AGBL4: variants seen among roughly 807,000 people sequenced by gnomAD.
The protein encoded by AGBL4 is AGBL carboxypeptidase 4.
A neutral mutation model predicts 66.4 loss-of-function variants in AGBL4; 58 were observed. The ratio of observed to expected loss-of-function variants is 0.87; its 90% CI spans 0.71 to 1.09. The LOEUF is 1.09. Ranked by LOEUF, AGBL4 falls within the 50% of genes least tolerant of loss-of-function variation. The pLI is 0.00. For synonymous variants in AGBL4, 234 were observed against 222.9 expected (o/e 1.05, Z -0.44); for missense variants, 579 against 631.0 (o/e 0.92, Z 0.88).
intron 1 of AGBL4, among the ~76,000 whole-genome samples, chr1:49,860,774 AAAAAAC>A (rs201374372): frequency 0.052 from 7,820 of 150,896 alleles, 217 homozygotes; most frequent in African/African-American, 0.068. Flanking sequence ...CCAGCAAAAA[AAAAAAC>A]AAAAAACAAA....
chr1:50,006,359 T>C (rs1383044376), intron 1 of AGBL4, among the ~76,000 whole-genome samples: 1 of 135,694 alleles, frequency 7.4e-6, no homozygotes, highest in African/African-American at 2.8e-5. Flanking sequence ...AAAAAGGAGG[T>C]AGAGAGAGAG....
chr1:48,972,443 T>G (rs923163318), intron 5 of AGBL4, among the ~76,000 whole-genome samples: 1 of 152,186 alleles, frequency 6.6e-6, no homozygotes, highest in Non-Finnish European at 1.5e-5. Context: ...ATTTTTTGTA[T>G]GCCTGCTCTA....
At chr1:49,505,050 A>G (rs1258364680) in intron 3 of AGBL4, among the ~76,000 whole-genome samples, 3 of 152,052 alleles carry the variant, frequency 2.0e-5, no homozygotes, top group Non-Finnish European at 4.4e-5. Context: ...TGAGGCTTAC[A>G]TAAAATGTTA....
intron 4 of AGBL4, among the ~76,000 whole-genome samples, chr1:49,231,279 AG>A (rs963836998): frequency 6.6e-6 from 1 of 152,196 alleles, no homozygotes; most frequent in African/African-American, 2.4e-5. Flanking sequence ...TTTCATAAAG[AG>A]GGATCAGGAA....
At chr1:49,876,777 T>C (rs12745229) in intron 1 of AGBL4, among the ~76,000 whole-genome samples, 71,554 of 119,672 alleles carry the variant, frequency 0.6, 22,083 homozygotes, top group Non-Finnish European at 0.66. Flanking sequence ...ATATTGATTC[T>C]TCCTACCCAT....
chr1:49,263,972 A>AT (rs1221649347), intron 3 of AGBL4, among the ~76,000 whole-genome samples: 2 of 152,190 alleles, frequency 1.3e-5, no homozygotes, highest in African/African-American at 4.8e-5. Flanking sequence ...TTAGAGTGAC[A>AT]TTTATCAACA....
At chr1:49,289,029 GAGAA>G (rs1484754024) in intron 3 of AGBL4, among the ~76,000 whole-genome samples, 1 of 151,896 alleles carries the variant, frequency 6.6e-6, no homozygotes, top group Non-Finnish European at 1.5e-5. Flanking sequence ...GAGAGAGAGA[GAGAA>G]AGAGAGAGAG....
chr1:48,771,398 C>T (rs954704088), intron 6 of AGBL4, among the ~76,000 whole-genome samples: 3 of 152,196 alleles, frequency 2.0e-5, no homozygotes, highest in Non-Finnish European at 4.4e-5. Flanking sequence ...TAAAAAGCAA[C>T]TTGCCTGGGA....
chr1:49,190,775 T>C (rs1443883833), intron 4 of AGBL4, among the ~76,000 whole-genome samples: 1 of 152,176 alleles, frequency 6.6e-6, no homozygotes, highest in African/African-American at 2.4e-5. Flanking sequence ...ACACATATTA[T>C]ATGTGCTAAC....
chr1:48,647,493 C>T (rs1014899799), intron 8 of AGBL4: 10 of 323,380 alleles, frequency 3.1e-5, no homozygotes, highest in Non-Finnish European at 6.3e-5. Context: ...GAGGCTGTAC[C>T]TGGTAATTAT....
chr1:49,260,438 A>G (rs1377434060), intron 3 of AGBL4, among the ~76,000 whole-genome samples: 3 of 152,060 alleles, frequency 2.0e-5, no homozygotes, highest in African/African-American at 7.2e-5. Context: ...AAAAGAGAGA[A>G]GAATCAAATA....
chr1:49,442,456 CTCCCTGTGAT>C (rs1444467548), intron 3 of AGBL4, among the ~76,000 whole-genome samples: 1 of 152,124 alleles, frequency 6.6e-6, no homozygotes, highest in Non-Finnish European at 1.5e-5. Flanking sequence ...TCCATTCTAT[CTCCCTGTGAT>C]CAATTTTCTT....
intron 3 of AGBL4, among the ~76,000 whole-genome samples, chr1:49,463,545 A>G (rs1009749294): frequency 1.3e-5 from 2 of 151,750 alleles, no homozygotes; most frequent in Admixed American, 6.6e-5. Flanking sequence ...CTTTTAAGAT[A>G]AAAAGGATGT....
chr1:49,399,222 C>T (rs776914598), intron 3 of AGBL4, among the ~76,000 whole-genome samples: 7 of 152,160 alleles, frequency 4.6e-5, no homozygotes, highest in Non-Finnish European at 7.4e-5. Context: ...ATATGTATCA[C>T]ATTTTCTTTA....
chr1:48,900,520 G>A (rs1651983350), intron 5 of AGBL4, among the ~76,000 whole-genome samples: 1 of 152,126 alleles, frequency 6.6e-6, no homozygotes, highest in Non-Finnish European at 1.5e-5. Flanking sequence ...AAGACAGTGT[G>A]GTTTGGTTTT....
rs1439184977 is a variant in AGBL4 at position 48,736,290 on chromosome 1, C to T, written c.635-73049G>A. The T allele has an allele frequency of 1.9e-6, 3 of 1,614,162 alleles. No individual in the cohort carries two copies. Among genetic ancestry groups the T allele is most frequent in the Non-Finnish European group, 2.5e-6 (3 of 1,180,016 alleles). On this transcript the variant is annotated intron_variant, in intron 6 of 13. Coordinates refer to ENST00000371839, the MANE Select transcript of AGBL4 (RefSeq NM_032785.4). This position sits in a 1 kb window ranked among gnomAD's most constrained non-coding sequence, Gnocchi z 4.0. ...GAGAGGGGTGGTTTAGGGACTGCAT[C>T]TTTCTTTTTTTTTGTGGCGACGCCT...
chr1:49,778,927 A>G (rs1412453256), intron 2 of AGBL4, among the ~76,000 whole-genome samples: 1 of 152,194 alleles, frequency 6.6e-6, no homozygotes, highest in East Asian at 1.9e-4. Context: ...CATGTAACAA[A>G]CATGCACATG....
intron 4 of AGBL4, among the ~76,000 whole-genome samples, chr1:49,058,142 C>T (rs536781444): frequency 5.3e-5 from 8 of 152,300 alleles, no homozygotes; most frequent in African/African-American, 1.4e-4. Flanking sequence ...CTCTACAGTG[C>T]AGAATCCTGC....
chr1:48,834,023 TG>T, intron 6 of AGBL4, among the ~76,000 whole-genome samples: 1 of 152,270 alleles, frequency 6.6e-6, no homozygotes, highest in East Asian at 1.9e-4. Context: ...GAGGGTTATT[TG>T]CAAGCCATAA....
Sources: allele counts gnomAD v4.1 joint callset (sites outside exome capture counted in the v4.1 genomes callset), GRCh38; gene constraint gnomAD v4.1.1; non-coding constraint Gnocchi (gnomAD v3.1); transcripts MANE v1.5; gene names NCBI Gene and HGNC (gene_info 2026-07-23, HGNC 2026-07-21).